Variants in MDGA2 observed in about 807,000 individuals in gnomAD.
MDGA2 encodes the protein MAM domain containing glycosylphosphatidylinositol anchor 2, also known as MAM domain-containing glycosylphosphatidylinositol anchor protein 2.
A neutral mutation model predicts 117.8 loss-of-function variants in MDGA2; 40 were observed. The observed-to-expected ratio is 0.34, with a 90% CI of 0.26 to 0.44. The LOEUF (loss-of-function observed/expected upper bound fraction) is 0.44. MDGA2 is among the 20% of genes least tolerant of loss of function. The pLI, the probability that MDGA2 is intolerant of heterozygous loss-of-function variation, is 1.00. For missense variants in MDGA2, 1,123 were observed against 1,250.6 expected (o/e 0.90, Z 1.54); for synonymous variants, 452 against 439.0 (o/e 1.03, Z -0.37).
chr14:47,587,612 T>C (rs1896350028), intron 1 of MDGA2, among the ~76,000 whole-genome samples: 5 of 151,950 alleles, frequency 3.3e-5, no homozygotes, highest in African/African-American at 1.2e-4. Context: ...CCGAGTCATG[T>C]TGAGGTAGCA....
intron 15 of MDGA2, among the ~76,000 whole-genome samples, chr14:46,849,325 A>G (rs12879769): frequency 0.18 from 27,747 of 151,854 alleles, 3,212 homozygotes; most frequent in Non-Finnish European, 0.25. Context: ...TTGCTATTAC[A>G]AAGATGTAGA....
rs367796110 is a variant in MDGA2 at position 47,605,646 on chromosome 14, GA to G, written c.280+68870del. On this transcript the variant is annotated intron_variant, in intron 1 of 16. Coordinates refer to ENST00000399232, the MANE Select transcript of MDGA2 (RefSeq NM_001113498.3). The stretch of plus-strand genomic sequence containing the variant: ...AGATAAGCTTTATAATGGTTACAAT[GA>G]AAAAAAAAAGATTAATCAGAATTCC... Among the ~76,000 whole-genome samples the G allele has an allele frequency of 1.9e-3, 279 of 147,240 alleles. 2 individuals are homozygous for G. The highest frequency in any genetic ancestry group is 6.3e-3 in the East Asian group (32 of 5,062).
At chr14:47,055,624 C>T (rs1015295016) in intron 7 of MDGA2, among the ~76,000 whole-genome samples, 5 of 152,014 alleles carry the variant, frequency 3.3e-5, no homozygotes, top group African/African-American at 1.2e-4. Flanking sequence ...CTAGTAAGCC[C>T]ATGAGGTTTA....
chr14:47,354,866 A>G (rs1039288389), intron 1 of MDGA2, among the ~76,000 whole-genome samples: 3 of 151,842 alleles, frequency 2.0e-5, no homozygotes, highest in Non-Finnish European at 4.4e-5. Flanking sequence ...TTTTTTTCCA[A>G]AAAGATGGGT....
intron 3 of MDGA2, among the ~76,000 whole-genome samples, chr14:47,148,867 T>G (rs1235455765): frequency 6.6e-6 from 1 of 152,168 alleles, no homozygotes; most frequent in African/African-American, 2.4e-5. Flanking sequence ...TTTTAATTTG[T>G]GTAGATTGTG....
At chr14:47,652,474 T>A (rs1330431554) in intron 1 of MDGA2, among the ~76,000 whole-genome samples, 2 of 152,216 alleles carry the variant, frequency 1.3e-5, no homozygotes, top group East Asian at 1.9e-4. Context: ...ACTCCAATGA[T>A]GGCAAAACTA....
chr14:47,618,487 T>G (rs1293008009), intron 1 of MDGA2, among the ~76,000 whole-genome samples: 2 of 152,210 alleles, frequency 1.3e-5, no homozygotes, highest in African/African-American at 2.4e-5. Context: ...TGACCCGTCC[T>G]TTCTCAAGAC....
intron 9 of MDGA2, among the ~76,000 whole-genome samples, chr14:46,951,607 G>A (rs1885372333): frequency 6.6e-6 from 1 of 151,874 alleles, no homozygotes; most frequent in Non-Finnish European, 1.5e-5. Context: ...GCATATTCTA[G>A]GGTCTCAGGG....
At chr14:47,419,783 G>C (rs1892541957) in intron 1 of MDGA2, among the ~76,000 whole-genome samples, 1 of 151,960 alleles carries the variant, frequency 6.6e-6, no homozygotes. Flanking sequence ...GAACTGGTTT[G>C]ATAATTCAAT....
intron 1 of MDGA2, among the ~76,000 whole-genome samples, chr14:47,630,314 T>C (rs948376595): frequency 1.3e-5 from 2 of 152,222 alleles, no homozygotes; most frequent in Non-Finnish European, 2.9e-5. Flanking sequence ...GTTATTTTTA[T>C]ACTATGGAAA....
chr14:46,950,744 T>G (rs557718844), intron 9 of MDGA2, among the ~76,000 whole-genome samples: 3 of 152,032 alleles, frequency 2.0e-5, no homozygotes, highest in African/African-American at 7.2e-5. Context: ...TTAACAATAT[T>G]ATGTTGCTTG....
chr14:47,261,868 C>G (rs1887807696), intron 2 of MDGA2, among the ~76,000 whole-genome samples: 1 of 151,976 alleles, frequency 6.6e-6, no homozygotes, highest in African/African-American at 2.4e-5. Flanking sequence ...ACTGTATAGT[C>G]TTGCAGATAA....
chr14:47,295,877 C>T (rs1889048758), intron 2 of MDGA2, among the ~76,000 whole-genome samples: 1 of 151,764 alleles, frequency 6.6e-6, no homozygotes, highest in African/African-American at 2.4e-5. Context: ...TGCACTCAAG[C>T]CTGGACGACA....
intron 1 of MDGA2, among the ~76,000 whole-genome samples, chr14:47,479,051 T>C (rs1309832462): frequency 1.3e-5 from 2 of 152,230 alleles, no homozygotes; most frequent in Non-Finnish European, 2.9e-5. Flanking sequence ...CTTATAAACA[T>C]GTTAAATTTT....
chr14:46,984,507 A>T (rs1451940794), intron 8 of MDGA2, among the ~76,000 whole-genome samples: 1 of 152,024 alleles, frequency 6.6e-6, no homozygotes, highest in Non-Finnish European at 1.5e-5. Flanking sequence ...TCTAACTAGA[A>T]AATCAGTGCA....
intron 1 of MDGA2, among the ~76,000 whole-genome samples, chr14:47,584,681 T>A (rs1401607810): frequency 6.6e-6 from 1 of 151,822 alleles, no homozygotes; most frequent in Non-Finnish European, 1.5e-5. Context: ...AAGGTTTATC[T>A]TCTTATGCCA....
intron 1 of MDGA2, among the ~76,000 whole-genome samples, chr14:47,640,983 C>T (rs10129325): frequency 0.31 from 47,038 of 151,702 alleles, 8,014 homozygotes; most frequent in Middle Eastern, 0.4. Context: ...TAAGCAAGTT[C>T]GCAATGATTT....
intron 3 of MDGA2, among the ~76,000 whole-genome samples, chr14:47,193,893 G>T (rs770967385): frequency 6.6e-6 from 1 of 152,074 alleles, no homozygotes; most frequent in African/African-American, 2.4e-5. Flanking sequence ...TTCCTATAGT[G>T]GTCTTCAATT....
chr14:47,152,974 C>T (rs1883220530), intron 3 of MDGA2, among the ~76,000 whole-genome samples: 1 of 152,072 alleles, frequency 6.6e-6, no homozygotes, highest in Admixed American at 6.6e-5. Flanking sequence ...GGAAGTAGCA[C>T]ACATAAAGCT....
Sources: gnomAD v4.1 joint callset for allele counts (sites outside exome capture counted in the v4.1 genomes callset) on GRCh38, gnomAD v4.1.1 for gene constraint, MANE v1.5 for transcripts, NCBI Gene and HGNC (gene_info 2026-07-23, HGNC 2026-07-21) for gene names.